The following APC variants were observed in gnomAD, a reference collection of about 807,000 sequenced individuals.
APC encodes adenomatous polyposis coli protein.
APC carries 72 observed loss-of-function variants against 247.0 expected under a neutral mutation model. The ratio of observed to expected loss-of-function variants is 0.29; its 90% CI spans 0.24 to 0.35. APC has a LOEUF of 0.35. APC is among the 10% of genes least tolerant of loss of function. The pLI is 1.00. For synonymous variants in APC, 1,254 were observed against 1,162.5 expected (o/e 1.08, Z -1.60); for missense variants, 3,400 against 3,360.7 (o/e 1.01, Z -0.29).
chr5:112,795,083 G>C (rs138083805), intron 7 of APC, among the ~76,000 whole-genome samples: 2,411 of 152,266 alleles, frequency 0.016, 28 homozygotes, highest in Non-Finnish European at 0.025. Flanking sequence ...CTGGAGTGCA[G>C]TGGCGTGATC....
chr5:112,769,091 G>A (rs1192542034), intron 4 of APC, among the ~76,000 whole-genome samples: 15 of 112,186 alleles, frequency 1.3e-4, no homozygotes, highest in African/African-American at 5.2e-4. Flanking sequence ...TCTTCCTGTC[G>A]CCCAGGCTAG....
chr5:112,754,657 CTATTT>C (rs1754753890), intron 1 of APC, among the ~76,000 whole-genome samples: 1 of 152,152 alleles, frequency 6.6e-6, no homozygotes, highest in African/African-American at 2.4e-5. Flanking sequence ...GTTCTCTCTT[CTATTT>C]TAATTTCATT....
chr5:112,815,385 G>A, intron 8 of APC, 110 bp from the exon 9 acceptor site: 1 of 737,086 alleles, frequency 1.4e-6, no homozygotes, highest in East Asian at 2.9e-5. Flanking sequence ...CTTTTATGAT[G>A]TATTTAATTG....
chr5:112,713,130 C>G (rs1192760725), intron 1 of APC, among the ~76,000 whole-genome samples: 1 of 147,722 alleles, frequency 6.8e-6, no homozygotes, highest in Non-Finnish European at 1.5e-5. Context: ...AGGATTGCAT[C>G]ACTGCACTCC....
chr5:112,801,024 C>A (rs1286118701), intron 7 of APC, among the ~76,000 whole-genome samples: 1 of 152,096 alleles, frequency 6.6e-6, no homozygotes, highest in Non-Finnish European at 1.5e-5. Context: ...TAGAGGATGG[C>A]ATTCCTGTGA....
rs1580666656 is a variant in APC at position 112,841,602 on chromosome 5, A to C, written c.6008A>C (p.Gln2003Pro). 6 of 1,613,292 alleles carry C rather than the reference A, an allele frequency of 3.7e-6. No homozygotes were observed. Among genetic ancestry groups the C allele is most frequent in the South Asian group, 1.1e-5 (1 of 91,066 alleles). Residue 2003 changes from glutamine to proline, a missense_variant, in exon 16 of 16, where the codon CAA (glutamine) becomes CCA (proline). Coordinates refer to ENST00000257430, the MANE Select transcript of APC (RefSeq NM_000038.6). The surrounding 1 kb of genome is among the most constrained non-coding windows in gnomAD (Gnocchi z 4.6). Reference sequence around the variant, plus strand: ...TCACAGGGAGAACCAAGTAAACCTCAAGCATCAGGCTATGCTCCTAAATCA... The same window carrying C: ...TCACAGGGAGAACCAAGTAAACCTCCAGCATCAGGCTATGCTCCTAAATCA... The part of the protein sequence containing the change: ...PDSQGEPSKP[Q>P]ASGYAPKSFH...
intron 1 of APC, among the ~76,000 whole-genome samples, chr5:112,708,094 C>T (rs1037491405): frequency 6.6e-6 from 1 of 152,274 alleles, no homozygotes; most frequent in Non-Finnish European, 1.5e-5. Flanking sequence ...ATGGGGGTCG[C>T]GACGCCCGCC....
Position 112,842,616 on chromosome 5 carries a change from A to G in APC, c.7022A>G (p.Lys2341Arg), listed in dbSNP as rs760649454. 6.2e-7 allele frequency: 1 copy of G among 1,613,936 alleles called. No homozygotes were observed. The highest frequency in any genetic ancestry group is 8.5e-7 in the Non-Finnish European group (1 of 1,179,888). Residue 2341 changes from lysine to arginine, a missense_variant, in exon 16 of 16, where the codon AAA becomes AGA. Lys to Arg is a conservative substitution (Grantham distance 26). Transcript: ENST00000257430. ...AGAAATGGAATAAGTCCTCCTAACA[A>G]ATTATCTCAACTTCCAAGGACATCA... ...PGRNGISPPNKLSQLPRTSSP... is the reference protein window; with the variant it reads ...PGRNGISPPNRLSQLPRTSSP...
intron 7 of APC, among the ~76,000 whole-genome samples, chr5:112,796,449 G>A (rs918346777): frequency 1.3e-5 from 2 of 152,124 alleles, no homozygotes; most frequent in African/African-American, 4.8e-5. Flanking sequence ...TCTGAAATAT[G>A]TAGAAACTTA....
rs756662900 is a variant in APC, at chr5:112,838,411, G to A, written c.2817G>A (p.Lys939=). ...HTHSNTYNFT[K]SENSNRTCSM... ...ATTCAAACACTTACAATTTCACTAA[G>A]TCGGAAAATTCAAATAGGACATGTT... Residue 939 remains lysine, a synonymous_variant, in exon 16 of 16, where the codon AAG becomes AAA. Coordinates refer to ENST00000257430, the MANE Select transcript of APC (RefSeq NM_000038.6). The A allele has an allele frequency of 1.2e-6, 2 of 1,614,146 alleles. No individual in the cohort carries two copies. The highest frequency in any genetic ancestry group is 3.3e-4 in the Middle Eastern group (2 of 6,062).
At chr5:112,769,132 C>T (rs1015252005) in intron 4 of APC, among the ~76,000 whole-genome samples, 2 of 142,434 alleles carry the variant, frequency 1.4e-5, no homozygotes, top group Non-Finnish European at 3.0e-5. Flanking sequence ...GCTCCTGCAA[C>T]CTCCACCTCC....
intron 15 of APC, among the ~76,000 whole-genome samples, chr5:112,836,805 A>G (rs1370309432): frequency 2.0e-5 from 3 of 151,718 alleles, no homozygotes; most frequent in African/African-American, 7.3e-5. Flanking sequence ...CTCCCAAGTG[A>G]TTCTCCTGGC....
chr5:112,788,339 T>G (rs1406770309), intron 6 of APC, among the ~76,000 whole-genome samples: 2 of 152,188 alleles, frequency 1.3e-5, no homozygotes, highest in Admixed American at 1.3e-4. Context: ...TAGAATTACA[T>G]TAAATTTATA....
Position 112,840,515 on chromosome 5 carries a change from G to T in APC, c.4921G>T (p.Val1641Leu), listed in dbSNP as rs755126540. Residue 1641 changes from valine (V) to leucine (L), a missense_variant, in exon 16 of 16, where the codon GTG becomes TTG. Physicochemically the swap from Val to Leu is conservative, Grantham distance 32. This residue lies in a region of APC where 1,788 missense variants were observed against 1,649.5 expected (regional missense o/e 1.08). Coordinates refer to ENST00000257430, the MANE Select transcript of APC (RefSeq NM_000038.6). This position sits in a 1 kb window ranked among gnomAD's most constrained non-coding sequence, Gnocchi z 4.1. ...SFTPGDDMPRVYCVEGTPINF... is the reference protein window; with the variant it reads ...SFTPGDDMPRLYCVEGTPINF... The stretch of plus-strand genomic sequence containing the variant: ...TACACCGGGGGATGATATGCCACGG[G>T]TGTATTGTGTTGAAGGGACACCTAT... The T allele has an allele frequency of 6.2e-7, 1 of 1,614,140 alleles. No individual in the cohort carries two copies.
At chr5:112,767,066 A>C (rs1331116989) in intron 3 of APC, 123 bp from the exon 4 acceptor site, 1 of 906,640 alleles carries the variant, frequency 1.1e-6, no homozygotes, top group African/African-American at 1.7e-5. Context: ...TTTTGTTTTC[A>C]GTCATGTATA....
chr5:112,753,119 T>C (rs1436241488), intron 1 of APC, among the ~76,000 whole-genome samples: 1 of 152,176 alleles, frequency 6.6e-6, no homozygotes, highest in Non-Finnish European at 1.5e-5. Context: ...ATGAGAAATT[T>C]TAAGGTTCAC....
rs182500056 is a variant in APC, at chr5:112,707,586, G to T, written c.-132G>T. The T allele has an allele frequency of 1.1e-3, 1,024 of 970,022 alleles. 7 individuals carry two copies. In the East Asian group the frequency reaches 0.024, roughly 23 times the overall value. The allele number at this position is 970,022 out of a possible 1,614,324, so 60.1% of individuals were successfully genotyped here. On this transcript the variant is annotated 5_prime_UTR_variant, in exon 1 of 14. Transcript: ENST00000507379. ...GCCGCCGGAAGCCTAGCCGCTGCTC[G>T]GGGGGGACCTGCGGGCTCAGGCCCG...
intron 6 of APC, 108 bp downstream of exon 6, chr5:112,781,011 T>A (rs889312142): frequency 2.5e-6 from 2 of 800,026 alleles, no homozygotes; most frequent in Non-Finnish European, 4.3e-6. Flanking sequence ...TAAGGCTGTG[T>A]TTATTTTGGC....
intron 1 of APC, among the ~76,000 whole-genome samples, chr5:112,720,149 T>G (rs1287922557): frequency 6.6e-6 from 1 of 152,192 alleles, no homozygotes; most frequent in African/African-American, 2.4e-5. Context: ...CCAATATATT[T>G]TTCCTGTATA....
Sources: allele counts gnomAD v4.1 joint callset (sites outside exome capture counted in the v4.1 genomes callset), GRCh38; gene constraint gnomAD v4.1.1; regional missense constraint gnomAD v4.1.1; non-coding constraint Gnocchi (gnomAD v3.1); transcripts MANE v1.5; gene names NCBI Gene and HGNC (gene_info 2026-07-23, HGNC 2026-07-21).